L3HYPDH: variants seen among roughly 807,000 people sequenced by gnomAD.
L3HYPDH encodes the protein trans-3-hydroxy-L-proline dehydratase.
L3HYPDH carries 32 observed loss-of-function variants against 26.5 expected under a neutral mutation model. That is an observed-to-expected ratio of 1.21 (90% confidence interval 0.91 to 1.62). The LOEUF is 1.62. Among genes scored for constraint, L3HYPDH ranks in the 40% most tolerant of loss-of-function variants. L3HYPDH has a pLI of 0.00. For synonymous variants in L3HYPDH, 215 were observed against 196.6 expected, an observed-to-expected ratio of 1.09 and a Z score of -0.78; for missense variants, 554 against 476.4, an observed-to-expected ratio of 1.16 and a Z score of -1.52.
chr14:59,479,353 T>TA lies in L3HYPDH; in HGVS notation c.509-3dup, dbSNP rs749458307. 31 of 1,595,456 alleles carry TA rather than the reference T, an allele frequency of 1.9e-5. No homozygotes were observed. Among genetic ancestry groups the TA allele is most frequent in the Admixed American group, 8.8e-5 (5 of 57,110 alleles). Reference sequence around the variant, plus strand: ...GTCCAGGAACATCCACCATGAGATCTAAAAAAAAGATGTGTTTGGAAAGAA... The same window carrying TA: ...GTCCAGGAACATCCACCATGAGATCTAAAAAAAAAGATGTGTTTGGAAAGAA... On this transcript the variant is annotated splice_polypyrimidine_tract_variant and splice_region_variant and intron_variant, in intron 1 of 4. Transcript: ENST00000247194.
Position 59,484,311 on chromosome 14 carries a change from C to G in L3HYPDH, c.6G>C (p.Glu2Asp), listed in dbSNP as rs753764776. The change falls in exon 1 of 5, where the codon GAG becomes GAC. Residue 2 changes from glutamate to aspartate, a missense_variant. Glu to Asp is a conservative substitution (Grantham distance 45, BLOSUM62 2). Coordinates refer to ENST00000247194, the MANE Select transcript of L3HYPDH (RefSeq NM_144581.2). ...GCAGCCGGGGCACCGCCAGCGCGCT[C>G]TCCATGGTCTGCGTCGGGGGAGACG... Reference protein sequence around the residue: MESALAVPRLPP... With the variant: MDSALAVPRLPP... 5 of 1,585,630 alleles carry G rather than the reference C, an allele frequency of 3.2e-6. No homozygotes were observed. The highest frequency in any genetic ancestry group is 4.3e-6 in the Non-Finnish European group (5 of 1,173,276).
At chr14:59,484,544 A>G (rs541373397), upstream of L3HYPDH, 112 of 1,563,202 alleles carry the variant, frequency 7.2e-5, no homozygotes, top group South Asian at 1.2e-3. Flanking sequence ...TGCAGCTGCC[A>G]GATCCGCTGA....
chr14:59,476,912 C>CT (rs962108660), intron 2 of L3HYPDH, among the ~76,000 whole-genome samples: 5 of 152,210 alleles, frequency 3.3e-5, no homozygotes, highest in African/African-American at 1.2e-4. Flanking sequence ...AGTTCTTTAA[C>CT]TTTTCCTGGA....
the L3HYPDH span, among the ~76,000 whole-genome samples, chr14:59,491,299 T>C: frequency 6.6e-6 from 1 of 152,148 alleles, no homozygotes; most frequent in East Asian, 1.9e-4. Flanking sequence ...AAGACGATGC[T>C]GGTGGGGGTA....
In L3HYPDH at chr14:59,484,156, A is replaced by C. The variant is rs772595885; in HGVS notation, c.161T>G (p.Met54Arg). Reference protein sequence around the residue: ...GPTLLAKRRYMRQHLDHVRRR... With the variant: ...GPTLLAKRRYRRQHLDHVRRR... The stretch of plus-strand genomic sequence containing the variant: ...CCGCACGTGGTCAAGGTGCTGGCGC[A>C]TGTAGCGCCGCTTGGCCAGCAGGGT... The change falls in exon 1 of 5, where the codon ATG becomes AGG. Residue 54 changes from methionine to arginine, a missense_variant. Physicochemically the swap from Met to Arg is moderately conservative, Grantham distance 91. Coordinates refer to ENST00000247194, the MANE Select transcript of L3HYPDH (RefSeq NM_144581.2). 13 of 1,600,934 alleles carry C rather than the reference A, an allele frequency of 8.1e-6. No individual in the cohort carries two copies. The highest frequency in any genetic ancestry group is 2.2e-5 in the East Asian group (1 of 44,832).
chr14:59,474,452 A>C, intron 4 of L3HYPDH: 6 of 687,312 alleles, frequency 8.7e-6, no homozygotes, highest in Non-Finnish European at 1.6e-5. Context: ...GACTTGTCTG[A>C]GTCATTCTTT....
upstream of L3HYPDH, chr14:59,486,067 C>G (rs528607756): frequency 6.6e-6 from 1 of 152,258 alleles, no homozygotes; most frequent in Non-Finnish European, 1.5e-5. Context: ...TGCTTTTCCC[C>G]TAAGCCTTTA....
intron 2 of L3HYPDH, chr14:59,478,638 C>T (rs1430300747): frequency 2.0e-5 from 3 of 152,306 alleles, no homozygotes; most frequent in Admixed American, 6.5e-5. Flanking sequence ...AGACACTACT[C>T]TAAGTCCTTT....
At chr14:59,502,765 T>TTGTTTTG in the L3HYPDH span, among the ~76,000 whole-genome samples, 1 of 134,652 alleles carries the variant, frequency 7.4e-6, no homozygotes, top group African/African-American at 2.8e-5. Context: ...TTTTTTTTTT[T>TTGTTTTG]TTTTTTTTCG....
chr14:59,496,094 C>T, the L3HYPDH span, among the ~76,000 whole-genome samples: 24 of 152,120 alleles, frequency 1.6e-4, no homozygotes, highest in Middle Eastern at 3.4e-3. Flanking sequence ...AGTAGAGAGA[C>T]GGGGTTTTGC....
chr14:59,496,666 C>G, the L3HYPDH span, among the ~76,000 whole-genome samples: 1 of 152,132 alleles, frequency 6.6e-6, no homozygotes, highest in African/African-American at 2.4e-5. Flanking sequence ...TGAGTGTAGC[C>G]TAAGAATCTT....
the L3HYPDH span, among the ~76,000 whole-genome samples, chr14:59,502,760 T>TTTTTCTTTGTTTTTG: frequency 2.3e-5 from 3 of 130,112 alleles, no homozygotes; most frequent in African/African-American, 5.8e-5. Context: ...ATTTTTTTTT[T>TTTTTCTTTGTTTTTG]TTTTTTTTTT....
At chr14:59,502,773 T>TTTTTGTTTTTTTTTTTTTTTTTTTTTG in the L3HYPDH span, among the ~76,000 whole-genome samples, 1 of 102,836 alleles carries the variant, frequency 9.7e-6, no homozygotes, top group African/African-American at 3.9e-5. Context: ...TTTTTTTTTT[T>TTTTTGTTTTTTTTTTTTTTTTTTTTTG]CGGAGTCTCA....
the L3HYPDH span, chr14:59,498,986 G>T: frequency 1.1e-5 from 4 of 350,070 alleles, no homozygotes; most frequent in East Asian, 1.0e-4. Flanking sequence ...TAATTTTGGA[G>T]ATTTTTCCTT....
chr14:59,486,691 A>G (rs1020654048), upstream of L3HYPDH: 6 of 1,471,894 alleles, frequency 4.1e-6, no homozygotes, highest in Non-Finnish European at 4.7e-6. Context: ...ATGTTACTAT[A>G]CTGGCATTTG....
the L3HYPDH span, among the ~76,000 whole-genome samples, chr14:59,502,282 A>T: frequency 6.6e-6 from 1 of 151,962 alleles, no homozygotes. Flanking sequence ...CAAACTCTAG[A>T]GGAAGCAGAA....
At chr14:59,468,015 T>G (rs1380501070), downstream of L3HYPDH, among the ~76,000 whole-genome samples, 3 of 152,186 alleles carry the variant, frequency 2.0e-5, no homozygotes, top group Non-Finnish European at 2.9e-5. Flanking sequence ...TAACCGGTCT[T>G]CCCACATCCA....
chr14:59,487,613 G>C, upstream of L3HYPDH: 1 of 1,235,856 alleles, frequency 8.1e-7, no homozygotes, highest in Non-Finnish European at 1.2e-6. Context: ...GAATGATTTG[G>C]GGGGGTGTTA....
At chr14:59,493,799 G>A in the L3HYPDH span, among the ~76,000 whole-genome samples, 55 of 152,216 alleles carry the variant, frequency 3.6e-4, no homozygotes, top group African/African-American at 1.1e-3. Flanking sequence ...TAGAAAAAAT[G>A]TACATGACAT....
Sources: allele counts gnomAD v4.1 joint callset (sites outside exome capture counted in the v4.1 genomes callset), GRCh38; gene constraint gnomAD v4.1.1; transcripts MANE v1.5; gene names NCBI Gene and HGNC (gene_info 2026-07-23, HGNC 2026-07-21).